GSG1L: variants seen among roughly 807,000 people sequenced by gnomAD.
GSG1L encodes the protein GSG1 like, also known as germ cell-specific gene 1-like protein.
In GSG1L, 24 loss-of-function variants were observed where a neutral mutation model predicts 42.1. That is an observed-to-expected ratio of 0.57 (90% CI 0.41 to 0.80). The LOEUF (loss-of-function observed/expected upper bound fraction) is 0.80, where lower values mean the gene tolerates loss of function less well. Ranked by LOEUF, GSG1L falls within the 30% of genes least tolerant of loss-of-function variation. The pLI is 0.00. For missense variants in GSG1L, 445 were observed against 472.2 expected (o/e 0.94, Z 0.53); for synonymous variants, 215 against 203.5 (o/e 1.06, Z -0.48).
intron 2 of GSG1L, among the ~76,000 whole-genome samples, chr16:27,915,239 A>ACC (rs1555507983): frequency 9.1e-5 from 11 of 120,754 alleles, no homozygotes; most frequent in Non-Finnish European, 1.2e-4. Context: ...ACACACACAC[A>ACC]CCCTGTTGGT....
chr16:27,804,697 T>C (rs1184472938), intron 6 of GSG1L, among the ~76,000 whole-genome samples: 1 of 66,220 alleles, frequency 1.5e-5, no homozygotes, highest in African/African-American at 6.7e-5. Context: ...AGATGCTGCT[T>C]GAGGGGGCAC....
At chr16:27,915,072 C>T (rs74015140) in intron 2 of GSG1L, among the ~76,000 whole-genome samples, 2 of 151,866 alleles carry the variant, frequency 1.3e-5, no homozygotes, top group Non-Finnish European at 2.9e-5. Flanking sequence ...GGCTCTTAAC[C>T]GTAGATATCA....
At position 28,063,049 on chromosome 16, in the gene GSG1L, A is replaced by AGCTGGCC; in HGVS notation, c.349+20_349+26dup. The AGCTGGCC allele has an allele frequency of 7.2e-7, 1 of 1,389,890 alleles. No homozygotes were observed. Among genetic ancestry groups the AGCTGGCC allele is most frequent in the Non-Finnish European group, 9.4e-7 (1 of 1,065,768 alleles). The allele number at this position is 1,389,890 out of a possible 1,614,324, so 86.1% of individuals were successfully genotyped here. A position where few individuals can be genotyped will look rare whatever the true frequency, so the allele number is the denominator to read the frequency against. On this transcript the variant is annotated intron_variant, in intron 1 of 6. Coordinates refer to ENST00000447459, the MANE Select transcript of GSG1L (RefSeq NM_001109763.2). This position sits in a 1 kb window ranked among gnomAD's most constrained non-coding sequence, Gnocchi z 5.8. ...CGCCGCCCCGGGGGAGCCGGAGCCG[A>AGCTGGCC]GCTGGCCGCCGCCCGCGCGCACTCA...
In GSG1L at chr16:28,004,090, C is replaced by G. The variant is rs371398180; in HGVS notation, c.350-40887G>C. Among the ~76,000 whole-genome samples, 62 of 152,318 alleles carry G rather than the reference C, an allele frequency of 4.1e-4. No homozygotes were observed. In the East Asian group the frequency reaches 4.3e-3, roughly 10 times the overall value. ...ACTCAGCCCGAGGCGCCTGTGTGCA[C>G]AGCAGGGTGGAGGGGGCAGGAGAGA... On this transcript the variant is annotated intron_variant, in intron 1 of 6. Transcript: ENST00000447459.
At chr16:28,044,233 C>T (rs2086139354) in intron 1 of GSG1L, among the ~76,000 whole-genome samples, 2 of 148,408 alleles carry the variant, frequency 1.3e-5, no homozygotes, top group Non-Finnish European at 1.5e-5. Context: ...ACAAATTAGC[C>T]AGGCATGGTG....
chr16:27,904,928 GC>G (rs1433905525), intron 2 of GSG1L, among the ~76,000 whole-genome samples: 1 of 152,236 alleles, frequency 6.6e-6, no homozygotes, highest in Non-Finnish European at 1.5e-5. Flanking sequence ...CACAGCCGCA[GC>G]CGACAGGTGG....
chr16:27,922,651 T>G (rs1345492907), intron 2 of GSG1L, among the ~76,000 whole-genome samples: 1 of 152,154 alleles, frequency 6.6e-6, no homozygotes, highest in Non-Finnish European at 1.5e-5. Context: ...TCCAATACAT[T>G]TGCCCCAGGG....
intron 6 of GSG1L, among the ~76,000 whole-genome samples, chr16:27,797,534 AAAAAAG>A (rs1401172400): frequency 1.4e-5 from 2 of 145,342 alleles, no homozygotes; most frequent in African/African-American, 2.6e-5. Flanking sequence ...AAAAAAAAAA[AAAAAAG>A]GGCCGGGCGC....
chr16:27,948,044 C>T (rs1038100195), intron 2 of GSG1L, among the ~76,000 whole-genome samples: 3 of 152,250 alleles, frequency 2.0e-5, no homozygotes, highest in South Asian at 4.2e-4. Context: ...CCTACCTGGC[C>T]GACACTTACC....
intron 1 of GSG1L, among the ~76,000 whole-genome samples, chr16:28,036,348 G>A (rs2086036694): frequency 6.6e-6 from 1 of 152,186 alleles, no homozygotes; most frequent in African/African-American, 2.4e-5. Flanking sequence ...GACTCCCTCT[G>A]TCAGAGCTTT....
At chr16:27,815,711 G>T (rs2083087099) in intron 5 of GSG1L, among the ~76,000 whole-genome samples, 1 of 152,076 alleles carries the variant, frequency 6.6e-6, no homozygotes, top group African/African-American at 2.4e-5. Context: ...CTGATGAATG[G>T]GCACATAATA....
At chr16:27,890,296 G>A (rs1244303545) in intron 2 of GSG1L, among the ~76,000 whole-genome samples, 7 of 152,204 alleles carry the variant, frequency 4.6e-5, no homozygotes, top group African/African-American at 1.7e-4. Flanking sequence ...GATGGGGAAG[G>A]AGGTCACAGG....
At chr16:27,892,996 A>C (rs1298915969) in intron 2 of GSG1L, among the ~76,000 whole-genome samples, 2 of 152,134 alleles carry the variant, frequency 1.3e-5, no homozygotes, top group Non-Finnish European at 2.9e-5. Context: ...AGGAAGTCAG[A>C]ACAGACCAGT....
At position 27,898,070 on chromosome 16, in the gene GSG1L, C is replaced by T. The variant is rs77057654; in HGVS notation, c.398-13432G>A. On this transcript the variant is annotated intron_variant, in intron 2 of 6. Transcript: ENST00000447459. ...TGGCCCCTAGAGTTCCACAAGCCTC[C>T]AGGCCTTGTCAGTTCAGAGACGTCT... is the stretch of plus-strand genomic sequence containing the variant. Among the ~76,000 whole-genome samples, 50 of 152,336 alleles carry T rather than the reference C, an allele frequency of 3.3e-4. 1 individual carries two copies. The highest frequency in any genetic ancestry group is 9.6e-4 in the African/African-American group (40 of 41,566).
chr16:27,830,067 G>C (rs1282901552), intron 4 of GSG1L, among the ~76,000 whole-genome samples: 1 of 152,266 alleles, frequency 6.6e-6, no homozygotes, highest in South Asian at 2.1e-4. Context: ...AGGTAGGAAG[G>C]GTGGGGTAGA....
chr16:27,877,109 G>A (rs2083897647), intron 3 of GSG1L, among the ~76,000 whole-genome samples: 1 of 152,134 alleles, frequency 6.6e-6, no homozygotes, highest in South Asian at 2.1e-4. Context: ...AACCCTTTCT[G>A]GATCTAAGCC....
intron 4 of GSG1L, among the ~76,000 whole-genome samples, chr16:27,840,428 G>A (rs771251224): frequency 3.3e-5 from 5 of 152,032 alleles, no homozygotes; most frequent in South Asian, 2.1e-4. Flanking sequence ...TCCCTGCCAC[G>A]TTAAGCCAAG....
chr16:28,050,086 G>GTAA lies in GSG1L; in HGVS notation c.349+12989_349+12990insTTA, dbSNP rs1305102978. Among the ~76,000 whole-genome samples, 27 of 152,190 alleles carry GTAA rather than the reference G, an allele frequency of 1.8e-4. No homozygotes were observed. In the South Asian group the frequency reaches 3.1e-3, roughly 18 times the overall value. ...GGGACAGAATAGGTGTTTAATAGAT[G>GTAA]TGATGAATGAATGAATGAATGAATG... On this transcript the variant is annotated intron_variant, in intron 1 of 6. Coordinates refer to ENST00000447459, the MANE Select transcript of GSG1L (RefSeq NM_001109763.2).
At chr16:27,869,499 CTCTCTG>C (rs2083775733) in intron 3 of GSG1L, among the ~76,000 whole-genome samples, 1 of 149,986 alleles carries the variant, frequency 6.7e-6, no homozygotes, top group African/African-American at 2.5e-5. Flanking sequence ...CCTTCTCTCT[CTCTCTG>C]TCTCTGTCTC....
Sources: gnomAD v4.1 joint callset for allele counts (sites outside exome capture counted in the v4.1 genomes callset) on GRCh38, gnomAD v4.1.1 for gene constraint, Gnocchi (gnomAD v3.1) non-coding constraint, MANE v1.5 for transcripts, NCBI Gene and HGNC (gene_info 2026-07-23, HGNC 2026-07-21) for gene names.